The following TLE3 variants were observed in gnomAD, a reference collection of about 807,000 sequenced individuals.
TLE3 encodes the protein transducin-like enhancer protein 3.
A neutral mutation model predicts 93.0 loss-of-function variants in TLE3; 14 were observed. The observed-to-expected ratio is 0.15, with a 90% CI of 0.10 to 0.24. The LOEUF (loss-of-function observed/expected upper bound fraction) is 0.24, where lower values mean the gene tolerates loss of function less well. TLE3 is among the 10% of genes least tolerant of loss of function. The pLI is 1.00. For missense variants in TLE3, 693 were observed against 1,046.6 expected (o/e 0.66, Z 4.66); for synonymous variants, 451 against 425.0 (o/e 1.06, Z -0.75).
intron 4 of TLE3, among the ~76,000 whole-genome samples, chr15:70,087,442 A>G (rs1433044451): frequency 6.6e-6 from 1 of 152,252 alleles, no homozygotes; most frequent in Admixed American, 6.5e-5. Context: ...AAATTCTAAG[A>G]GGCCGTAGCA....
chr15:70,090,307 G>A (rs2058249058), intron 4 of TLE3, among the ~76,000 whole-genome samples: 1 of 152,126 alleles, frequency 6.6e-6, no homozygotes, highest in Non-Finnish European at 1.5e-5. Flanking sequence ...CCGGGTGGGA[G>A]GGTTCTTGGA....
At chr15:70,096,461 T>G in intron 1 of TLE3, 200 bp from the exon 2 acceptor site, 2 of 1,168,796 alleles carry the variant, frequency 1.7e-6, no homozygotes, top group Non-Finnish European at 2.4e-6. Context: ...CTCCCATGCC[T>G]TTCACCAAGG....
At position 70,058,610 on chromosome 15, in the gene TLE3, G is replaced by C. The variant is rs1249435103; in HGVS notation, c.918+53C>G. 6.6e-7 allele frequency: 1 copy of C among 1,526,080 alleles called. No homozygotes were observed. The highest frequency in any genetic ancestry group is 1.4e-5 in the African/African-American group (1 of 72,296). The allele number at this position is 1,526,080 out of a possible 1,614,324, so 94.5% of individuals were successfully genotyped here. On this transcript the variant is annotated intron_variant, in intron 11 of 19. Transcript: ENST00000451782. This position sits in a 1 kb window ranked among gnomAD's most constrained non-coding sequence, Gnocchi z 4.1. ...CTGCCTGCCAATCGGCACCACCCCAGCTCCAGTCCCTGCCGCTCCCTTCCC... is the reference window on the plus strand; with the variant it reads ...CTGCCTGCCAATCGGCACCACCCCACCTCCAGTCCCTGCCGCTCCCTTCCC...
chr15:70,079,485 C>A (rs748492183), intron 4 of TLE3: 1 of 473,288 alleles, frequency 2.1e-6, no homozygotes. Context: ...GCAAGCACAT[C>A]CCATCCCTCC....
intron 9 of TLE3, 120 bp downstream of exon 9, chr15:70,060,410 C>A (rs954977838): frequency 2.2e-6 from 3 of 1,366,390 alleles, no homozygotes; most frequent in Non-Finnish European, 3.0e-6. Context: ...CTATCGCCAA[C>A]CTGTGCTTCT....
intron 4 of TLE3, among the ~76,000 whole-genome samples, chr15:70,088,309 A>C (rs955368935): frequency 6.6e-6 from 1 of 152,234 alleles, no homozygotes; most frequent in African/African-American, 2.4e-5. Context: ...GCTTCAAAAC[A>C]ACAAACCCAC....
intron 4 of TLE3, among the ~76,000 whole-genome samples, 170 bp from the exon 5 acceptor site, chr15:70,076,328 G>T (rs748585557): frequency 1.6e-4 from 25 of 152,196 alleles, no homozygotes; most frequent in Non-Finnish European, 2.6e-4. Flanking sequence ...TAAATCCACA[G>T]CATGAAGAAA....
chr15:70,083,568 C>T (rs2057895404), intron 4 of TLE3, among the ~76,000 whole-genome samples: 1 of 139,728 alleles, frequency 7.2e-6, no homozygotes, highest in South Asian at 2.5e-4. Flanking sequence ...TAACCCCCTG[C>T]CCCCTCCCCC....
chr15:70,091,230 G>A (rs971644952), intron 4 of TLE3, among the ~76,000 whole-genome samples: 1 of 152,250 alleles, frequency 6.6e-6, no homozygotes, highest in Non-Finnish European at 1.5e-5. Flanking sequence ...TATTGTGTCG[G>A]CACGACACTG....
At chr15:70,094,148 GA>G (rs2058438216) in intron 4 of TLE3, among the ~76,000 whole-genome samples, 1 of 151,016 alleles carries the variant, frequency 6.6e-6, no homozygotes, top group African/African-American at 2.4e-5. Context: ...AAAAAAAAAG[GA>G]GAAAGAAAAA....
At position 70,095,750 on chromosome 15, in the gene TLE3, G is replaced by A. The variant is rs1489648072; in HGVS notation, c.126-109C>T. On this transcript the variant is annotated intron_variant, in intron 2 of 19. Transcript: ENST00000451782. ...TTTTCCACTTTCCTGACACCCCCCCGGGGGCGCCCCCATTATCCCACAGCC... is the reference window on the plus strand; with the variant it reads ...TTTTCCACTTTCCTGACACCCCCCCAGGGGCGCCCCCATTATCCCACAGCC... 5.9e-6 allele frequency: 8 copies of A among 1,351,642 alleles called. No homozygotes were observed. In the Admixed American group the frequency reaches 1.6e-4, roughly 27 times the overall value. 83.7% of individuals were successfully genotyped at this position (1,351,642 alleles called of 1,614,324 possible).
intron 6 of TLE3, chr15:70,066,501 C>T: frequency 2.6e-6 from 1 of 385,272 alleles, no homozygotes; most frequent in Non-Finnish European, 4.6e-6. Flanking sequence ...TGTTTGTTTC[C>T]AAGCCTGAGA....
chr15:70,050,819 TGA>T (rs1178891567), intron 19 of TLE3: 2 of 157,082 alleles, frequency 1.3e-5, no homozygotes, highest in African/African-American at 2.4e-5. Context: ...CGTGAGTAAA[TGA>T]GTGTGAGTTT....
Position 70,054,842 on chromosome 15 carries a change from AC to A in TLE3, c.1579-158del, listed in dbSNP as rs1595866587. On this transcript the variant is annotated intron_variant, in intron 15 of 19. Coordinates refer to ENST00000451782, the MANE Select transcript of TLE3 (RefSeq NM_001105192.3). The stretch of plus-strand genomic sequence containing the variant: ...GCTGTCCCCATTCCTCAAATTCACA[AC>A]CCTTTGATCTTTCATGAATACCAGG... 3.2e-6 allele frequency: 4 copies of A among 1,243,914 alleles called. No homozygotes were observed. The East Asian group carries it at 7.7e-5, about 24-fold the overall frequency. The allele number at this position is 1,243,914 out of a possible 1,614,324, so 77.1% of individuals were successfully genotyped here.
intron 13 of TLE3, among the ~76,000 whole-genome samples, chr15:70,056,749 C>T (rs2056067097): frequency 6.6e-6 from 1 of 152,174 alleles, no homozygotes. Flanking sequence ...TCCCCGCCAA[C>T]CCTAACTCTT....
In TLE3 at chr15:70,066,184, G is replaced by A. The variant is rs1345153151; in HGVS notation, c.407C>T (p.Ala136Val). 2 of 1,544,170 alleles carry A rather than the reference G, an allele frequency of 1.3e-6. No individual in the cohort carries two copies. Among genetic ancestry groups the A allele is most frequent in the South Asian group, 2.5e-5 (2 of 79,450 alleles). ...CAACTGGACCGGGGGGCCGTGTGTG[G>A]CATGGGAGAGGTGCTGCGCCTGGAG... Reference protein sequence around the residue: ...QQLQAQHLSHATHGPPVQLPP... With the variant: ...QQLQAQHLSHVTHGPPVQLPP... The change falls in exon 7 of 20, where the codon GCC (alanine) becomes GTC (valine). Residue 136 changes from alanine to valine, a missense_variant. Ala to Val is a moderately conservative substitution (Grantham distance 64). Around this residue, in one of 4 missense-constraint regions of TLE3, gnomAD observed 104 missense variants for 173.8 expected, o/e 0.60. Transcript: ENST00000451782.
intron 10 of TLE3, 140 bp downstream of exon 10, chr15:70,059,270 A>C: frequency 1.1e-5 from 11 of 985,864 alleles, no homozygotes; most frequent in Non-Finnish European, 1.5e-5. Flanking sequence ...TGACCCCCTG[A>C]GACCCCAAGA....
chr15:70,079,441 A>AAG (rs1364140908), intron 4 of TLE3: 3 of 457,236 alleles, frequency 6.6e-6, no homozygotes, highest in Non-Finnish European at 1.3e-5. Flanking sequence ...CTCCCAACGT[A>AAG]AACCCAGCCC....
At chr15:70,082,656 T>G (rs940516330) in intron 4 of TLE3, among the ~76,000 whole-genome samples, 3 of 152,176 alleles carry the variant, frequency 2.0e-5, no homozygotes, top group Admixed American at 1.3e-4. Flanking sequence ...CTGGGAGGAC[T>G]TGGTACAAGA....
Sources: gnomAD v4.1 joint callset for allele counts (sites outside exome capture counted in the v4.1 genomes callset) on GRCh38, gnomAD v4.1.1 for gene constraint, gnomAD v4.1.1 regional missense constraint, Gnocchi (gnomAD v3.1) non-coding constraint, MANE v1.5 for transcripts, NCBI Gene and HGNC (gene_info 2026-07-23, HGNC 2026-07-21) for gene names.